TMC1: variants seen among roughly 807,000 people sequenced by gnomAD.
The protein encoded by TMC1 is transmembrane channel-like protein 1.
A neutral mutation model predicts 105.8 loss-of-function variants in TMC1; 84 were observed. That is an observed-to-expected ratio of 0.79 (90% CI 0.67 to 0.95). The LOEUF is 0.95. Ranked by LOEUF, TMC1 falls within the 40% of genes least tolerant of loss-of-function variation. The pLI is 0.00. For synonymous variants in TMC1, 315 were observed against 311.5 expected (o/e 1.01, Z -0.12); for missense variants, 817 against 914.1 (o/e 0.89, Z 1.37).
intron 13 of TMC1, among the ~76,000 whole-genome samples, chr9:72,779,020 A>G (rs557502480): frequency 7.2e-5 from 11 of 152,322 alleles, no homozygotes; most frequent in African/African-American, 2.4e-4. Context: ...CCGACAAAGC[A>G]CTGTTGCCAG....
intron 2 of TMC1, among the ~76,000 whole-genome samples, chr9:72,580,461 C>T (rs551280577): frequency 3.3e-5 from 5 of 152,272 alleles, no homozygotes; most frequent in African/African-American, 1.2e-4. Context: ...GGGTTTTGCA[C>T]TGTCTTGCCT....
chr9:72,681,953 C>A (rs886849692), intron 5 of TMC1, among the ~76,000 whole-genome samples: 18 of 151,662 alleles, frequency 1.2e-4, no homozygotes, highest in African/African-American at 4.1e-4. Context: ...CTTCTGAGGG[C>A]CTAAAGAGTC....
At chr9:72,607,863 G>A (rs1463520374) in intron 2 of TMC1, 1 of 152,206 alleles carries the variant, frequency 6.6e-6, no homozygotes, top group Non-Finnish European at 1.5e-5. Context: ...GATGGAGCTG[G>A]AGCATGGTGT....
At chr9:72,721,624 C>CTA (rs1827028134) in intron 8 of TMC1, among the ~76,000 whole-genome samples, 11 of 152,176 alleles carry the variant, frequency 7.2e-5, no homozygotes, top group Admixed American at 7.2e-4. Flanking sequence ...AAACTAAGCA[C>CTA]AGGGCCCATG....
intron 2 of TMC1, among the ~76,000 whole-genome samples, chr9:72,593,581 G>A (rs1046716506): frequency 6.6e-6 from 1 of 151,552 alleles, no homozygotes; most frequent in African/African-American, 2.4e-5. Context: ...TAGTAGAGAC[G>A]TGGTTTCTCC....
intron 19 of TMC1, among the ~76,000 whole-genome samples, chr9:72,816,572 G>A (rs181920571): frequency 3.3e-5 from 5 of 152,114 alleles, no homozygotes; most frequent in East Asian, 3.9e-4. Flanking sequence ...AGGCCTTTCC[G>A]AGAGACCGAG....
At chr9:72,583,871 A>G (rs1207842788) in intron 2 of TMC1, among the ~76,000 whole-genome samples, 1 of 151,652 alleles carries the variant, frequency 6.6e-6, no homozygotes, top group Non-Finnish European at 1.5e-5. Context: ...AAAGTAGTGT[A>G]CAAATAAATG....
chr9:72,668,093 A>G (rs1215255844), intron 5 of TMC1, among the ~76,000 whole-genome samples: 1 of 152,168 alleles, frequency 6.6e-6, no homozygotes, highest in Non-Finnish European at 1.5e-5. Context: ...ATCCTTTTTT[A>G]CTTTATAGCT....
intron 1 of TMC1, among the ~76,000 whole-genome samples, chr9:72,553,176 T>G (rs1473976487): frequency 6.6e-6 from 1 of 152,124 alleles, no homozygotes; most frequent in Non-Finnish European, 1.5e-5. Context: ...TTTCTCCATG[T>G]TGGTCAGGCT....
chr9:72,623,908 G>A (rs1357918719), intron 3 of TMC1, among the ~76,000 whole-genome samples: 1 of 152,072 alleles, frequency 6.6e-6, no homozygotes, highest in Admixed American at 6.6e-5. Context: ...ATATCGTAAG[G>A]GGCACCATAC....
At chr9:72,535,282 C>G (rs777413529) in intron 1 of TMC1, among the ~76,000 whole-genome samples, 9 of 152,178 alleles carry the variant, frequency 5.9e-5, no homozygotes, top group Non-Finnish European at 1.2e-4. Context: ...GGAGGAAACT[C>G]TCCCAGAGCT....
chr9:72,624,306 C>A (rs986946678), intron 3 of TMC1, among the ~76,000 whole-genome samples: 1 of 152,136 alleles, frequency 6.6e-6, no homozygotes, highest in Admixed American at 6.5e-5. Context: ...GATGGATCAT[C>A]CTGAGCACAT....
Position 72,637,086 on chromosome 9 carries a change from G to T in TMC1, c.-53+9023G>T, listed in dbSNP as rs1588003870. Among the ~76,000 whole-genome samples the T allele has an allele frequency of 3.3e-5, 5 of 151,680 alleles. No individual in the cohort carries two copies. The South Asian group carries it at 1.0e-3, about 32-fold the overall frequency. ...TCAATCAACTAATGAGAATAAATGT[G>T]GAGGAGACGGGCAAAAATGTCAGCA... On this transcript the variant is annotated intron_variant, in intron 4 of 23. Coordinates refer to ENST00000297784, the MANE Select transcript of TMC1 (RefSeq NM_138691.3).
At chr9:72,693,518 G>A (rs1051162366) in intron 6 of TMC1, among the ~76,000 whole-genome samples, 8 of 152,106 alleles carry the variant, frequency 5.3e-5, no homozygotes, top group African/African-American at 1.9e-4. Context: ...AATTTTCAAA[G>A]TTGTCATATA....
chr9:72,643,661 A>C (rs1291873028), intron 4 of TMC1, among the ~76,000 whole-genome samples: 2 of 152,174 alleles, frequency 1.3e-5, no homozygotes, highest in Non-Finnish European at 2.9e-5. Context: ...ATTAGCATTC[A>C]ATTACATGAA....
At chr9:72,722,650 A>G (rs1827047495) in intron 8 of TMC1, among the ~76,000 whole-genome samples, 1 of 152,166 alleles carries the variant, frequency 6.6e-6, no homozygotes, top group Non-Finnish European at 1.5e-5. Flanking sequence ...TTTGTATGCA[A>G]TATTTAATTA....
chr9:72,806,235 C>T (rs1828578732), intron 18 of TMC1, among the ~76,000 whole-genome samples: 1 of 130,948 alleles, frequency 7.6e-6, no homozygotes, highest in African/African-American at 2.6e-5. Context: ...GACCACCCCA[C>T]CTCCCTCCCG....
intron 2 of TMC1, among the ~76,000 whole-genome samples, chr9:72,599,733 C>T (rs1564435728): frequency 6.6e-6 from 1 of 151,482 alleles, no homozygotes; most frequent in Admixed American, 6.6e-5. Context: ...TCACTTGAAC[C>T]CAGGAGATGG....
chr9:72,719,453 C>A (rs954709700), intron 8 of TMC1, among the ~76,000 whole-genome samples: 4 of 152,172 alleles, frequency 2.6e-5, no homozygotes, highest in African/African-American at 9.7e-5. Flanking sequence ...GTGATCTGGA[C>A]CTTTAGGTTC....
Sources: gnomAD v4.1 joint callset for allele counts (sites outside exome capture counted in the v4.1 genomes callset) on GRCh38, gnomAD v4.1.1 for gene constraint, MANE v1.5 for transcripts, NCBI Gene and HGNC (gene_info 2026-07-23, HGNC 2026-07-21) for gene names.